The following MASP1 variants were observed in gnomAD, a reference collection of about 807,000 sequenced individuals.
The protein encoded by MASP1 is MBL associated serine protease 1.
In MASP1, 59 loss-of-function variants were observed where a neutral mutation model predicts 77.1. That is an observed-to-expected ratio of 0.77 (90% confidence interval 0.62 to 0.95). MASP1 has a LOEUF of 0.95. Ranked by LOEUF, MASP1 falls within the 40% of genes least tolerant of loss-of-function variation. The pLI is 0.00. For missense variants in MASP1, 885 were observed against 912.9 expected, an observed-to-expected ratio of 0.97 and a Z score of 0.39; for synonymous variants, 362 against 354.5, an observed-to-expected ratio of 1.02 and a Z score of -0.24.
At chr3:187,261,265 AC>A (rs1170461227) in intron 3 of MASP1, among the ~76,000 whole-genome samples, 1 of 152,218 alleles carries the variant, frequency 6.6e-6, no homozygotes, top group Non-Finnish European at 1.5e-5. Flanking sequence ...AGAGGCATTA[AC>A]AAACTTAGAA....
chr3:187,229,590 C>T (rs988131964), downstream of MASP1, among the ~76,000 whole-genome samples: 10 of 152,160 alleles, frequency 6.6e-5, no homozygotes, highest in South Asian at 2.1e-4. Flanking sequence ...TTGTCCTTCC[C>T]GGTGCCAGAG....
chr3:187,242,171 A>G (rs1232940736), intron 9 of MASP1: 1 of 153,172 alleles, frequency 6.5e-6, no homozygotes, highest in Non-Finnish European at 1.5e-5. Flanking sequence ...TCTCACTGGC[A>G]TTTTGAAATA....
chr3:187,229,992 CT>C, downstream of MASP1: 1 of 1,446,448 alleles, frequency 6.9e-7, no homozygotes, highest in Non-Finnish European at 9.5e-7. Flanking sequence ...TTAGGAACAT[CT>C]ATTATTTTTG....
chr3:187,247,645 G>C (rs1448317931), intron 8 of MASP1, among the ~76,000 whole-genome samples: 1 of 152,198 alleles, frequency 6.6e-6, no homozygotes, highest in Non-Finnish European at 1.5e-5. Flanking sequence ...ATAAAATTCT[G>C]CCCCTGGAGG....
chr3:187,220,788 G>A (rs1023718306), intron 15 of MASP1, among the ~76,000 whole-genome samples: 1 of 152,164 alleles, frequency 6.6e-6, no homozygotes, highest in African/African-American at 2.4e-5. Flanking sequence ...ATGAACCACC[G>A]TGCCCGGCCA....
intron 11 of MASP1, among the ~76,000 whole-genome samples, chr3:187,227,647 T>A (rs1375078160): frequency 6.6e-6 from 1 of 152,146 alleles, no homozygotes; most frequent in Non-Finnish European, 1.5e-5. Context: ...TCCTGGGTCC[T>A]GGCCAGGGCT....
At chr3:187,239,719 T>A (rs1456883581) in intron 10 of MASP1, among the ~76,000 whole-genome samples, 1 of 152,212 alleles carries the variant, frequency 6.6e-6, no homozygotes, top group African/African-American at 2.4e-5. Context: ...CAAGCCTAAT[T>A]GAGGTAAATG....
intron 11 of MASP1, among the ~76,000 whole-genome samples, chr3:187,227,917 C>T (rs1225996828): frequency 1.3e-5 from 2 of 152,162 alleles, no homozygotes; most frequent in African/African-American, 4.8e-5. Context: ...CTTCCTCTGT[C>T]CCTTGGCTGC....
At chr3:187,286,728 A>C (rs1717888507) in intron 1 of MASP1, among the ~76,000 whole-genome samples, 1 of 152,224 alleles carries the variant, frequency 6.6e-6, no homozygotes, top group African/African-American at 2.4e-5. Flanking sequence ...AGGCAGAATG[A>C]CTAAGGCTGG....
chr3:187,288,618 C>T (rs1718047552), intron 1 of MASP1, among the ~76,000 whole-genome samples: 2 of 152,230 alleles, frequency 1.3e-5, no homozygotes, highest in Admixed American at 1.3e-4. Flanking sequence ...ATTATTCCAT[C>T]CTGCCAGTTC....
chr3:187,218,672 A>G lies in MASP1; in HGVS notation c.*1399T>C, dbSNP rs184309749. ...TGGAATTACTCCAACAGCTGCATAC[A>G]GGTCAAGAGTTAAAGTCCCCCAGGG... On this transcript the variant is annotated 3_prime_UTR_variant, in exon 16 of 16. Coordinates refer to the MASP1 transcript ENST00000337774. 2.6e-5 allele frequency: 4 copies of G among 152,568 alleles called. No individual in the cohort carries two copies. The East Asian group carries it at 7.7e-4, about 29-fold the overall frequency. 9.5% of individuals were successfully genotyped at this position (152,568 alleles called of 1,614,324 possible).
Position 187,235,788 on chromosome 3 carries a change from T to A in MASP1, c.2083A>T (p.Lys695Ter). 1 of 1,614,158 alleles carries A rather than the reference T, an allele frequency of 6.2e-7. No homozygotes were observed. The highest frequency in any genetic ancestry group is 1.1e-5 in the South Asian group (1 of 91,074). The change falls in exon 11 of 11, where the codon AAG (lysine) becomes TAG (stop). Residue 695 changes from lysine to a stop codon, truncating the protein, a stop_gained. Transcript: ENST00000296280. LOFTEE classifies it high-confidence loss of function. ...SWGGPEECGS[K>*]QVYGVYTKVS... ...TTTGTGTAGACTCCATAGACCTGCT[T>A]GCTGCCGCATTCTTCAGGTCCCCCC...
intron 10 of MASP1, among the ~76,000 whole-genome samples, chr3:187,240,521 A>C (rs912480427): frequency 6.6e-5 from 10 of 152,152 alleles, no homozygotes; most frequent in Non-Finnish European, 7.3e-5. Context: ...TATTAAATTT[A>C]ACTTTTTGTG....
chr3:187,239,205 A>C (rs1311490991), intron 10 of MASP1, among the ~76,000 whole-genome samples: 2 of 150,320 alleles, frequency 1.3e-5, no homozygotes, highest in African/African-American at 4.9e-5. Flanking sequence ...AAAAAAAAAA[A>C]AGTCAGGCAT....
chr3:187,226,467 C>G (rs1325628819), exon 12 of MASP1: 2 of 1,613,084 alleles, frequency 1.2e-6, no homozygotes, highest in South Asian at 2.2e-5. Context: ...GTCGGATCTT[C>G]CGGATCGAGT....
At chr3:187,243,266 T>C in intron 9 of MASP1, 1 of 580,246 alleles carries the variant, frequency 1.7e-6, no homozygotes, top group South Asian at 2.0e-5. Context: ...AAAGCCTGCT[T>C]TTTGGTTTTG....
chr3:187,243,396 C>A, intron 9 of MASP1, 88 bp downstream of exon 9: 2 of 1,376,242 alleles, frequency 1.5e-6, no homozygotes, highest in South Asian at 2.3e-5. Context: ...AGCAGTTCTT[C>A]CTTTCACAGC....
chr3:187,229,804 A>G (rs769503905), downstream of MASP1: 1 of 1,614,206 alleles, frequency 6.2e-7, no homozygotes, highest in East Asian at 2.2e-5. Flanking sequence ...CAGGTGTGAC[A>G]GCATGGCAAT....
intron 2 of MASP1, among the ~76,000 whole-genome samples, chr3:187,269,365 T>TCC (rs1223130329): frequency 6.6e-6 from 1 of 152,186 alleles, no homozygotes; most frequent in Non-Finnish European, 1.5e-5. Flanking sequence ...GGGAGCTATA[T>TCC]CCGCTTGGAC....
Sources: allele counts gnomAD v4.1 joint callset (sites outside exome capture counted in the v4.1 genomes callset), GRCh38; gene constraint gnomAD v4.1.1; transcripts MANE v1.5; gene names NCBI Gene and HGNC (gene_info 2026-07-23, HGNC 2026-07-21).